ZNF714: variants seen among roughly 807,000 people sequenced by gnomAD.
The protein encoded by ZNF714 is zinc finger protein 714.
Under a neutral mutation model 46.2 loss-of-function variants are expected in ZNF714, and 32 were observed. The ratio of observed to expected loss-of-function variants is 0.69; its 90% CI spans 0.52 to 0.93. The LOEUF (loss-of-function observed/expected upper bound fraction) is 0.93, where lower values mean the gene tolerates loss of function less well. Among genes scored for constraint, ZNF714 ranks in the 40% least tolerant of loss-of-function variants. The pLI is 0.00. For synonymous variants in ZNF714, 199 were observed against 213.1 expected, an observed-to-expected ratio of 0.93 and a Z score of 0.58; for missense variants, 635 against 646.3, an observed-to-expected ratio of 0.98 and a Z score of 0.19.
chr19:21,091,167 C>T (rs1968900752), intron 2 of ZNF714: 1 of 152,200 alleles, frequency 6.6e-6, no homozygotes, highest in South Asian at 2.1e-4. Flanking sequence ...CAGGCATGAG[C>T]CACCACATCT....
rs34326769 is a variant in ZNF714 at position 21,123,151 on chromosome 19, CAAAAAAAA to C, written c.*4831_*4838del. On this transcript the variant is annotated 3_prime_UTR_variant, in exon 5 of 5. Transcript: ENST00000456283. ...CCTGGACAAGAGCAAAACTCTGTCT[CAAAAAAAA>C]AAAAAAAAAAAGATTAAAGGCGCAC... The C allele has an allele frequency of 0.1, 11,055 of 106,016 alleles. 543 individuals are homozygous for C. The highest frequency in any genetic ancestry group is 0.11 in the Non-Finnish European group (5,807 of 55,100). The allele number at this position is 106,016 out of a possible 1,614,324, so 6.6% of individuals were successfully genotyped here.
chr19:21,086,468 C>T (rs1300834353), intron 2 of ZNF714, among the ~76,000 whole-genome samples: 1 of 152,124 alleles, frequency 6.6e-6, no homozygotes, highest in African/African-American at 2.4e-5. Flanking sequence ...ATTATTTATG[C>T]CCCCCAATTT....
chr19:21,089,866 A>C, intron 2 of ZNF714, among the ~76,000 whole-genome samples: 1 of 130,090 alleles, frequency 7.7e-6, no homozygotes, highest in African/African-American at 2.9e-5. Flanking sequence ...ATCAGTTTAC[A>C]TAGAGAGGCT....
At chr19:21,094,400 G>A (rs1309833449) in intron 2 of ZNF714, among the ~76,000 whole-genome samples, 1 of 152,154 alleles carries the variant, frequency 6.6e-6, no homozygotes, top group Non-Finnish European at 1.5e-5. Context: ...GAGGTTGCTG[G>A]GTCAAACAGT....
At chr19:21,098,608 A>G (rs1287469620) in intron 3 of ZNF714, among the ~76,000 whole-genome samples, 1 of 152,082 alleles carries the variant, frequency 6.6e-6, no homozygotes, top group African/African-American at 2.4e-5. Context: ...TCCACTGTCA[A>G]TTTTTGATTC....
intron 4 of ZNF714, among the ~76,000 whole-genome samples, chr19:21,099,799 A>G (rs1969130610): frequency 6.6e-6 from 1 of 152,198 alleles, no homozygotes; most frequent in African/African-American, 2.4e-5. Context: ...GAATGTGTAG[A>G]TGACTTTAGA....
intron 1 of ZNF714, among the ~76,000 whole-genome samples, chr19:21,082,553 C>T (rs1009328069): frequency 1.3e-5 from 2 of 152,100 alleles, no homozygotes; most frequent in African/African-American, 4.8e-5. Context: ...CCTGTCTTTT[C>T]CCTGCGCAGT....
intron 2 of ZNF714, among the ~76,000 whole-genome samples, chr19:21,088,086 C>T (rs934388853): frequency 1.3e-5 from 2 of 152,122 alleles, no homozygotes; most frequent in Non-Finnish European, 2.9e-5. Context: ...TGATGTGTCC[C>T]AGGCCTTACC....
chr19:21,117,181 T>A lies in ZNF714; in HGVS notation c.517T>A (p.Tyr173Asn), dbSNP rs1006111051. ...AAGAATTCATATTAGAGAGAATTCT[T>A]ACCAATGTGAAGAATGTGACAAAGT... is the stretch of plus-strand genomic sequence containing the variant. ...HKRIHIRENS[Y>N]QCEECDKVFK... Residue 173 changes from tyrosine to asparagine, a missense_variant, in exon 5 of 5, where the codon TAC becomes AAC. Physicochemically the swap from Tyr to Asn is moderately radical, Grantham distance 143. Coordinates refer to ENST00000456283, the MANE Select transcript of ZNF714 (RefSeq NM_182515.4). The A allele has an allele frequency of 9.9e-6, 16 of 1,614,004 alleles. 1 individual carries two copies. Among genetic ancestry groups the A allele is most frequent in the African/African-American group, 1.3e-5 (1 of 74,946 alleles).
rs1232998370 is a variant in ZNF714, at chr19:21,118,294, A to C, written c.1630A>C (p.Ile544Leu). The change falls in exon 5 of 5, where the codon ATA (isoleucine) becomes CTA (leucine). Residue 544 changes from isoleucine to leucine, a missense_variant. Ile to Leu is a conservative substitution (Grantham distance 5, BLOSUM62 2). Coordinates refer to ENST00000456283, the MANE Select transcript of ZNF714 (RefSeq NM_182515.4). ...TGGTAAAACCCCATCTCTACTAAAA[A>C]TACAAAAATTTGCTGGGTGTGGTGG... is the stretch of plus-strand genomic sequence containing the variant. Reference protein sequence around the residue: ...QHGKTPSLLKIQKFAGCGGRR... With the variant: ...QHGKTPSLLKLQKFAGCGGRR... The C allele has an allele frequency of 8.4e-7, 1 of 1,196,502 alleles. No individual in the cohort carries two copies. The highest frequency in any genetic ancestry group is 2.6e-5 in the East Asian group (1 of 39,026). The allele number at this position is 1,196,502 out of a possible 1,614,324, so 74.1% of individuals were successfully genotyped here.
rs747081936 is a variant in ZNF714 at position 21,082,331 on chromosome 19, C to T, written c.-194C>T. ...GATCCACAGCTAAGACGCCAGGTAC[C>T]CCGGAAGCCTAGAAATGGTGAGAGT... On this transcript the variant is annotated 5_prime_UTR_variant, in exon 1 of 5. Transcript: ENST00000456283. 3 of 1,455,628 alleles carry T rather than the reference C, an allele frequency of 2.1e-6. No homozygotes were observed. The highest frequency in any genetic ancestry group is 1.8e-5 in the Admixed American group (1 of 55,632). The allele number at this position is 1,455,628 out of a possible 1,614,324, so 90.2% of individuals were successfully genotyped here. A position where few individuals can be genotyped will look rare whatever the true frequency, so the allele number is the denominator to read the frequency against.
chr19:21,102,225 T>C (rs562187031), intron 4 of ZNF714, among the ~76,000 whole-genome samples: 1 of 152,378 alleles, frequency 6.6e-6, no homozygotes, highest in South Asian at 2.1e-4. Context: ...TTACTTTCTA[T>C]TTTCCATTTC....
At position 21,117,465 on chromosome 19, in the gene ZNF714, C is replaced by T. The variant is rs766120724; in HGVS notation, c.801C>T (p.Asn267=). The change falls in exon 5 of 5, where the codon AAC becomes AAT. Residue 267 remains asparagine (N), a synonymous_variant. Transcript: ENST00000456283. ...FKCEECGKAF[N]HPSALTTHKF... is the part of the protein sequence containing the mutation. ...GTGAAGAATGTGGTAAAGCTTTTAA[C>T]CACCCTTCAGCCCTTACTACACATA... The T allele has an allele frequency of 1.2e-6, 2 of 1,610,852 alleles. No individual in the cohort carries two copies. The highest frequency in any genetic ancestry group is 1.7e-5 in the Admixed American group (1 of 59,464).
intron 4 of ZNF714, 120 bp downstream of exon 4, chr19:21,099,030 C>G (rs569021918): frequency 2.0e-5 from 10 of 492,896 alleles, no homozygotes; most frequent in Admixed American, 7.2e-5. Flanking sequence ...TATATAGTTT[C>G]TGGGAAGACT....
chr19:21,101,386 T>A (rs144510585), intron 4 of ZNF714, among the ~76,000 whole-genome samples: 2 of 152,200 alleles, frequency 1.3e-5, no homozygotes, highest in South Asian at 2.1e-4. Flanking sequence ...CACCTTTAGA[T>A]GGTTTGTTAC....
intron 4 of ZNF714, among the ~76,000 whole-genome samples, chr19:21,116,392 G>A (rs1457383677): frequency 6.6e-6 from 1 of 151,982 alleles, no homozygotes; most frequent in African/African-American, 2.4e-5. Flanking sequence ...ACCAGTTTCT[G>A]GAAAGGCCCC....
At chr19:21,097,514 T>A (rs1244505717) in intron 2 of ZNF714, among the ~76,000 whole-genome samples, 1 of 152,218 alleles carries the variant, frequency 6.6e-6, no homozygotes, top group Non-Finnish European at 1.5e-5. Flanking sequence ...TATTGTTAAG[T>A]ATCTTTATGT....
chr19:21,102,567 T>C (rs1969206573), intron 4 of ZNF714, among the ~76,000 whole-genome samples: 1 of 152,236 alleles, frequency 6.6e-6, no homozygotes, highest in Non-Finnish European at 1.5e-5. Flanking sequence ...ATAGCATATA[T>C]TTAAAACATA....
intron 4 of ZNF714, among the ~76,000 whole-genome samples, chr19:21,099,787 T>C (rs987286824): frequency 3.3e-5 from 5 of 152,212 alleles, no homozygotes; most frequent in African/African-American, 1.2e-4. Context: ...AGGAAGTTTA[T>C]TGAATGTGTA....
Sources: allele counts gnomAD v4.1 joint callset (sites outside exome capture counted in the v4.1 genomes callset), GRCh38; gene constraint gnomAD v4.1.1; transcripts MANE v1.5; gene names NCBI Gene and HGNC (gene_info 2026-07-23, HGNC 2026-07-21).